Variants in SLC25A26 observed in about 807,000 individuals in gnomAD.
SLC25A26 encodes solute carrier family 25 member 26.
A neutral mutation model predicts 37.8 loss-of-function variants in SLC25A26; 36 were observed. That is an observed-to-expected ratio of 0.95 (90% CI 0.73 to 1.26). The LOEUF (loss-of-function observed/expected upper bound fraction) is 1.26, where lower values mean the gene tolerates loss of function less well. Among genes scored for constraint, SLC25A26 ranks in the 50% most tolerant of loss-of-function variants. The pLI is 0.00. For synonymous variants in SLC25A26, 129 were observed against 122.5 expected (o/e 1.05, Z -0.35); for missense variants, 390 against 331.1 (o/e 1.18, Z -1.38).
In SLC25A26 at chr3:66,370,698, A is replaced by G. The variant is rs751814784; in HGVS notation, c.707+96A>G. On this transcript the variant is annotated intron_variant, in intron 9 of 9. Transcript: ENST00000354883. Reference sequence around the variant, plus strand: ...GAACACCTCTCCTTCCCTTCTGCTTATGTTCTGCTTTGAGTTTCTATTTAT... The same window carrying G: ...GAACACCTCTCCTTCCCTTCTGCTTGTGTTCTGCTTTGAGTTTCTATTTAT... The G allele has an allele frequency of 9.0e-5, 84 of 931,678 alleles. 1 individual carries two copies. The highest frequency in any genetic ancestry group is 1.3e-4 in the Non-Finnish European group (77 of 608,302). 57.7% of individuals were successfully genotyped at this position (931,678 alleles called of 1,614,324 possible).
intron 1 of SLC25A26, among the ~76,000 whole-genome samples, chr3:66,192,142 C>T (rs1428236293): frequency 6.6e-6 from 1 of 151,656 alleles, no homozygotes; most frequent in East Asian, 1.9e-4. Context: ...ATGGTTAAAC[C>T]CCATCTCTAC....
intron 1 of SLC25A26, among the ~76,000 whole-genome samples, chr3:66,213,507 T>A (rs2071315935): frequency 1.3e-5 from 2 of 151,208 alleles, no homozygotes; most frequent in African/African-American, 2.4e-5. Flanking sequence ...ACAGCAAAAT[T>A]GAGCAGAAAG....
At position 66,291,455 on chromosome 3, in the gene SLC25A26, C is replaced by T. The variant is rs186815501; in HGVS notation, c.453+28076C>T. Among the ~76,000 whole-genome samples the T allele has an allele frequency of 4.6e-5, 7 of 152,266 alleles. No homozygotes were observed. The South Asian group carries it at 6.2e-4, about 14-fold the overall frequency. On this transcript the variant is annotated intron_variant, in intron 5 of 9. Transcript: ENST00000354883. The stretch of plus-strand genomic sequence containing the variant: ...GTTGGCATTTAGTGCTATAAATATG[C>T]GTCTAAAACACTGCTTTAGCTGTGT...
chr3:66,211,515 A>G (rs1489840483), intron 1 of SLC25A26, among the ~76,000 whole-genome samples: 1 of 152,168 alleles, frequency 6.6e-6, no homozygotes, highest in East Asian at 1.9e-4. Flanking sequence ...TATAGCTTGC[A>G]CTTATTGCTG....
intron 5 of SLC25A26, among the ~76,000 whole-genome samples, chr3:66,286,930 T>C (rs1313076338): frequency 6.6e-6 from 1 of 152,138 alleles, no homozygotes; most frequent in Non-Finnish European, 1.5e-5. Context: ...CCTGAAGTGC[T>C]GGGATTACAG....
chr3:66,300,968 C>T (rs1030023342), intron 5 of SLC25A26, among the ~76,000 whole-genome samples: 7 of 152,112 alleles, frequency 4.6e-5, no homozygotes, highest in Non-Finnish European at 7.4e-5. Context: ...GGAATTACGG[C>T]ATTGAAAATA....
At chr3:66,253,556 C>T (rs781428299) in intron 3 of SLC25A26, among the ~76,000 whole-genome samples, 1 of 151,992 alleles carries the variant, frequency 6.6e-6, no homozygotes, top group Non-Finnish European at 1.5e-5. Context: ...GGCCACAAAC[C>T]AAGGAGTGCA....
intron 3 of SLC25A26, among the ~76,000 whole-genome samples, chr3:66,260,457 T>G (rs939382938): frequency 2.6e-5 from 4 of 152,258 alleles, no homozygotes; most frequent in Non-Finnish European, 4.4e-5. Flanking sequence ...TGATATCGTT[T>G]TGTAAATCTT....
At chr3:66,285,081 G>A (rs1270185275) in intron 5 of SLC25A26, among the ~76,000 whole-genome samples, 2 of 152,122 alleles carry the variant, frequency 1.3e-5, no homozygotes, top group Non-Finnish European at 2.9e-5. Flanking sequence ...GTCTTCTGGT[G>A]CTGGTCATTT....
chr3:66,247,959 G>T (rs2072923293), intron 3 of SLC25A26, among the ~76,000 whole-genome samples: 1 of 152,102 alleles, frequency 6.6e-6, no homozygotes, highest in South Asian at 2.1e-4. Context: ...AGCTGTCAAT[G>T]GTCAGAAAGG....
chr3:66,149,948 A>G lies in SLC25A26; in HGVS notation c.-354+15964A>G, dbSNP rs143025900. Among the ~76,000 whole-genome samples, 9 of 152,294 alleles carry G rather than the reference A, an allele frequency of 5.9e-5. 1 individual carries two copies. Among genetic ancestry groups the G allele is most frequent in the Non-Finnish European group, 1.3e-4 (9 of 68,018 alleles). ...TATCCAAGGTCATATGACAGAGTCC[A>G]TGGGTGGGGAGGAGAAAGATTAGGG... is the stretch of plus-strand genomic sequence containing the variant. On this transcript the variant is annotated intron_variant, in intron 1 of 10. Transcript: ENST00000676754.
rs143945282 is a variant in SLC25A26 at position 66,314,627 on chromosome 3, C to T, written c.454-31737C>T. Among the ~76,000 whole-genome samples, 354 of 152,070 alleles carry T rather than the reference C, an allele frequency of 2.3e-3. 1 individual carries two copies. The highest frequency in any genetic ancestry group is 8.4e-3 in the African/African-American group (348 of 41,480). On this transcript the variant is annotated intron_variant, in intron 5 of 9. Transcript: ENST00000354883. ...GGTTTTGGTATCAGGATGATGCTGG[C>T]GTCATAGAATGAATTAGGGAGGAGC...
At chr3:66,139,169 C>T (rs1320842972) in intron 1 of SLC25A26, among the ~76,000 whole-genome samples, 3 of 151,976 alleles carry the variant, frequency 2.0e-5, no homozygotes, top group Non-Finnish European at 4.4e-5. Context: ...TGTTGCTTTT[C>T]TCTGTTTCAC....
At chr3:66,249,925 T>C (rs1463070887) in intron 3 of SLC25A26, among the ~76,000 whole-genome samples, 1 of 152,242 alleles carries the variant, frequency 6.6e-6, no homozygotes, top group African/African-American at 2.4e-5. Flanking sequence ...ACACTTTTTT[T>C]GTGTGATGTG....
chr3:66,199,114 ACTGT>A (rs1384835077), intron 1 of SLC25A26, among the ~76,000 whole-genome samples: 1 of 151,616 alleles, frequency 6.6e-6, no homozygotes, highest in Non-Finnish European at 1.5e-5. Flanking sequence ...TCACCCTGAC[ACTGT>A]CTCTCATCCC....
chr3:66,256,615 G>T (rs72901285), intron 3 of SLC25A26, among the ~76,000 whole-genome samples: 1 of 152,222 alleles, frequency 6.6e-6, no homozygotes, highest in African/African-American at 2.4e-5. Flanking sequence ...AAAAAATTAG[G>T]CTGGACATGG....
intron 3 of SLC25A26, among the ~76,000 whole-genome samples, chr3:66,244,323 C>T (rs941415166): frequency 1.2e-4 from 19 of 152,128 alleles, no homozygotes; most frequent in African/African-American, 3.6e-4. Flanking sequence ...AGTCTCAAAA[C>T]ATATAAAGCA....
In SLC25A26 at chr3:66,378,682, C is replaced by T. The variant is rs1223596558; in HGVS notation, c.*875C>T. On this transcript the variant is annotated 3_prime_UTR_variant, in exon 10 of 10. Coordinates refer to ENST00000354883, the MANE Select transcript of SLC25A26 (RefSeq NM_001379210.1). The stretch of plus-strand genomic sequence containing the variant: ...CAGGAATCTAGCAGTGTTGTCTGCC[C>T]TGGAGCAAACAAACAGTATGTGATT... 6.6e-6 allele frequency: 1 copy of T among 152,454 alleles called. No individual in the cohort carries two copies. Among genetic ancestry groups the T allele is most frequent in the African/African-American group, 2.4e-5 (1 of 41,442 alleles). 9.4% of individuals were successfully genotyped at this position (152,454 alleles called of 1,614,324 possible). A position where few individuals can be genotyped will look rare whatever the true frequency, so the allele number is the denominator to read the frequency against.
chr3:66,233,695 G>A (rs1418695929), intron 1 of SLC25A26, among the ~76,000 whole-genome samples: 1 of 151,892 alleles, frequency 6.6e-6, no homozygotes. Context: ...TCTGTTAGCT[G>A]TTTTTCTTTT....
Sources: allele counts gnomAD v4.1 joint callset (sites outside exome capture counted in the v4.1 genomes callset), GRCh38; gene constraint gnomAD v4.1.1; transcripts MANE v1.5; gene names NCBI Gene and HGNC (gene_info 2026-07-23, HGNC 2026-07-21).